The following MIGA1 variants were observed in gnomAD, a reference collection of about 807,000 sequenced individuals.
MIGA1 encodes the protein family with sequence similarity 73, member A.
In MIGA1, 58 loss-of-function variants were observed where a neutral mutation model predicts 82.0. That is an observed-to-expected ratio of 0.71 (90% CI 0.57 to 0.88). The LOEUF is 0.88. Among genes scored for constraint, MIGA1 ranks in the 40% least tolerant of loss-of-function variants. The pLI, the probability that MIGA1 is intolerant of heterozygous loss-of-function variation, is 0.00. For missense variants in MIGA1, 751 were observed against 749.1 expected, an observed-to-expected ratio of 1.00 and a Z score of -0.03; for synonymous variants, 249 against 253.6, an observed-to-expected ratio of 0.98 and a Z score of 0.17.
chr1:77,804,753 C>T (rs1007855753), intron 4 of MIGA1, among the ~76,000 whole-genome samples: 7 of 151,916 alleles, frequency 4.6e-5, no homozygotes, highest in African/African-American at 1.7e-4. Flanking sequence ...CCTCAACCTC[C>T]CAAGTAGCTG....
At chr1:77,852,798 C>G (rs958909857) in intron 8 of MIGA1, among the ~76,000 whole-genome samples, 7 of 152,170 alleles carry the variant, frequency 4.6e-5, no homozygotes, top group Non-Finnish European at 7.3e-5. Flanking sequence ...TCAAGTGATT[C>G]TCCTGTGTCA....
At chr1:77,810,830 T>G in intron 5 of MIGA1, 1 of 1,604,250 alleles carries the variant, frequency 6.2e-7, no homozygotes, top group South Asian at 1.1e-5. Flanking sequence ...GTGGTAAAAT[T>G]CACAGAAGTT....
chr1:77,819,011 C>T (rs1259358709), intron 7 of MIGA1, among the ~76,000 whole-genome samples: 7 of 147,284 alleles, frequency 4.8e-5, no homozygotes, highest in South Asian at 2.2e-4. Flanking sequence ...ACCCAGGAGA[C>T]GGAGGTTGCG....
intron 8 of MIGA1, among the ~76,000 whole-genome samples, chr1:77,846,944 A>AAAAAT (rs1399970447): frequency 5.9e-5 from 9 of 152,102 alleles, no homozygotes; most frequent in South Asian, 4.1e-4. Flanking sequence ...GACTGTCTCA[A>AAAAAT]AAAATAAAAT....
intron 5 of MIGA1, among the ~76,000 whole-genome samples, chr1:77,811,944 T>C (rs1377475245): frequency 2.0e-5 from 3 of 152,224 alleles, no homozygotes; most frequent in East Asian, 1.9e-4. Context: ...TTTGCATAAA[T>C]GTTTTATGAG....
At chr1:77,801,586 C>A in intron 3 of MIGA1, 78 bp downstream of exon 3, 1 of 1,246,896 alleles carries the variant, frequency 8.0e-7, no homozygotes, top group Non-Finnish European at 1.1e-6. Flanking sequence ...GTCTTTTAGT[C>A]TCCAGAATTT....
chr1:77,798,312 T>C (rs1289415242), intron 2 of MIGA1, among the ~76,000 whole-genome samples: 3 of 152,196 alleles, frequency 2.0e-5, no homozygotes, highest in Non-Finnish European at 4.4e-5. Context: ...CAGCATGGAT[T>C]AGTCAGTTCT....
intron 3 of MIGA1, among the ~76,000 whole-genome samples, chr1:77,802,743 T>C (rs1682935641): frequency 6.6e-6 from 1 of 151,330 alleles, no homozygotes; most frequent in Admixed American, 6.6e-5. Flanking sequence ...ATTGCACCAC[T>C]GCACTCCAGC....
rs79531772 is a variant in MIGA1 at position 77,789,264 on chromosome 1, C to T, written c.195+5913C>T. ...GCTTTGTTGCCCGGGCTGCAAATCC[C>T]GGCAGTAAGTCATGGCTCACTGCAG... On this transcript the variant is annotated intron_variant, in intron 2 of 15. Transcript: ENST00000370791. Among the ~76,000 whole-genome samples, 1,044 of 149,412 alleles carry T rather than the reference C, an allele frequency of 7.0e-3. 16 individuals carry two copies. Among genetic ancestry groups the T allele is most frequent in the African/African-American group, 0.024 (967 of 40,478 alleles).
chr1:77,807,161 T>C lies in MIGA1; in HGVS notation c.637+60T>C, dbSNP rs549397592. On this transcript the variant is annotated intron_variant, in intron 5 of 15. Coordinates refer to ENST00000370791, the MANE Select transcript of MIGA1 (RefSeq NM_198549.4). Reference sequence around the variant, plus strand: ...GCTCACATTTAATTTGTTTTGTTCTTGTTTTTTATTTATTGAGACAGACAG... The same window carrying C: ...GCTCACATTTAATTTGTTTTGTTCTCGTTTTTTATTTATTGAGACAGACAG... 1.7e-5 allele frequency: 23 copies of C among 1,357,942 alleles called. No individual in the cohort carries two copies. In the African/African-American group the frequency reaches 2.6e-4, roughly 15 times the overall value. The allele number at this position is 1,357,942 out of a possible 1,614,324, so 84.1% of individuals were successfully genotyped here.
At chr1:77,829,898 G>A (rs1045185197) in intron 7 of MIGA1, among the ~76,000 whole-genome samples, 6 of 28,536 alleles carry the variant, frequency 2.1e-4, no homozygotes, top group Admixed American at 4.5e-4. Flanking sequence ...ACCCCCCACC[G>A]TCATATGTCA....
intron 14 of MIGA1, among the ~76,000 whole-genome samples, chr1:77,869,835 C>A (rs985234406): frequency 2.7e-5 from 3 of 112,938 alleles, no homozygotes; most frequent in African/African-American, 1.1e-4. Context: ...CCCCTCACCT[C>A]CCGGACGGGG....
At chr1:77,860,149 A>G (rs768585003) in intron 11 of MIGA1, 23 bp downstream of exon 11, 179 of 1,534,624 alleles carry the variant, frequency 1.2e-4, no homozygotes, top group Non-Finnish European at 1.5e-4. Context: ...TGTTGGCAAG[A>G]TTTTTACCAT....
Position 77,866,384 on chromosome 1 carries a change from A to G in MIGA1, c.1556A>G (p.Gln519Arg), listed in dbSNP as rs767325639. ...TCGGTGCTGAAACAGAAAAGACAACAGATGAAGGTAAAATTCGTTATGTCC... is the reference window on the plus strand; with the variant it reads ...TCGGTGCTGAAACAGAAAAGACAACGGATGAAGGTAAAATTCGTTATGTCC... Residue 519 changes from glutamine (Q) to arginine (R), a missense_variant, in exon 14 of 16, where the codon CAG becomes CGG. Physicochemically the swap from Gln to Arg is conservative, Grantham distance 43 (BLOSUM62 1). This residue lies in a region of MIGA1 where 265 missense variants were observed against 293.6 expected (regional missense o/e 0.90). Transcript: ENST00000370791. 3 of 1,614,002 alleles carry G rather than the reference A, an allele frequency of 1.9e-6. No homozygotes were observed. The East Asian group carries it at 6.7e-5, about 36-fold the overall frequency.
chr1:77,818,946 G>A (rs1439177106), intron 7 of MIGA1, among the ~76,000 whole-genome samples: 1 of 151,846 alleles, frequency 6.6e-6, no homozygotes, highest in Non-Finnish European at 1.5e-5. Flanking sequence ...TGGGCATGGT[G>A]GTGGGTGCCT....
At chr1:77,868,906 A>T (rs1557938465) in intron 14 of MIGA1, among the ~76,000 whole-genome samples, 6 of 151,630 alleles carry the variant, frequency 4.0e-5, no homozygotes. Context: ...TTAAATAGAA[A>T]CTAGCACATT....
chr1:77,871,132 G>GAGGGAGAGGGAGAGGGAA (rs1685978598), intron 14 of MIGA1, among the ~76,000 whole-genome samples: 1 of 149,624 alleles, frequency 6.7e-6, no homozygotes, highest in Non-Finnish European at 1.5e-5. Flanking sequence ...AGAGGAGGGA[G>GAGGGAGAGGGAGAGGGAA]AGGGAGAGGG....
Position 77,811,289 on chromosome 1 carries a change from C to T in MIGA1, c.638-2445C>T, listed in dbSNP as rs547585078. On this transcript the variant is annotated intron_variant, in intron 5 of 15. Transcript: ENST00000370791. The stretch of plus-strand genomic sequence containing the variant: ...ATTCTGATAGTGAGTAATGTCATTC[C>T]TGGTTCCGATGGCAACCTTGGTAAT... 4.9e-5 allele frequency: 79 copies of T among 1,596,830 alleles called. No homozygotes were observed. The East Asian group carries it at 1.7e-3, about 35-fold the overall frequency.
chr1:77,832,641 T>C (rs1255619537), intron 7 of MIGA1, among the ~76,000 whole-genome samples: 1 of 151,888 alleles, frequency 6.6e-6, no homozygotes, highest in African/African-American at 2.4e-5. Flanking sequence ...AGGTGCAGAG[T>C]GGAGCCTGTT....
Sources: allele counts gnomAD v4.1 joint callset (sites outside exome capture counted in the v4.1 genomes callset), GRCh38; gene constraint gnomAD v4.1.1; regional missense constraint gnomAD v4.1.1; transcripts MANE v1.5; gene names NCBI Gene and HGNC (gene_info 2026-07-23, HGNC 2026-07-21).